CPM: variants seen among roughly 807,000 people sequenced by gnomAD.
CPM encodes carboxypeptidase M.
CPM carries 35 observed loss-of-function variants against 46.4 expected under a neutral mutation model. That is an observed-to-expected ratio of 0.75 (90% CI 0.58 to 1.00). The LOEUF (loss-of-function observed/expected upper bound fraction) is 1.00. Ranked by LOEUF, CPM falls within the 50% of genes least tolerant of loss-of-function variation. The pLI is 0.00. For synonymous variants in CPM, 195 were observed against 195.3 expected (o/e 1.00, Z 0.01); for missense variants, 422 against 530.4 (o/e 0.80, Z 2.01).
chr12:68,850,141 C>T (rs777101754), downstream of CPM: 6 of 152,078 alleles, frequency 3.9e-5, no homozygotes, highest in Non-Finnish European at 8.8e-5. Context: ...AAAAATTAGC[C>T]AGGCGTCATG....
downstream of CPM, chr12:68,846,842 C>G (rs1467971029): frequency 1.3e-5 from 2 of 151,990 alleles, no homozygotes; most frequent in Non-Finnish European, 2.9e-5. Flanking sequence ...GACAATAAAT[C>G]TATAGAGCCT....
chr12:68,856,255 T>C lies in CPM; in HGVS notation c.*182A>G, dbSNP rs1167130926. 1.8e-5 allele frequency: 12 copies of C among 668,470 alleles called. No homozygotes were observed. The African/African-American group carries it at 1.8e-4, about 10-fold the overall frequency. 41.4% of individuals were successfully genotyped at this position (668,470 alleles called of 1,614,324 possible). A position where few individuals can be genotyped will look rare whatever the true frequency, so the allele number is the denominator to read the frequency against. ...TCCATTCACCGTCAAGACTGAATCA[T>C]TCTTTTCATTATCACCACATATTGC... On this transcript the variant is annotated 3_prime_UTR_variant, in exon 9 of 9. Coordinates refer to ENST00000551568, the MANE Select transcript of CPM (RefSeq NM_198320.5).
At chr12:68,933,306 AC>A (rs1888596970), upstream of CPM, 1 of 151,102 alleles carries the variant, frequency 6.6e-6, no homozygotes, top group Non-Finnish European at 1.5e-5. Context: ...CCGCCTTCGC[AC>A]CTAGGAGAGA....
At chr12:68,950,157 G>A in intron 1 of CPM, among the ~76,000 whole-genome samples, 1 of 152,114 alleles carries the variant, frequency 6.6e-6, no homozygotes, top group Non-Finnish European at 1.5e-5. Flanking sequence ...TAAGGTGCAT[G>A]TTCTAAAAGA....
chr12:68,856,556 C>G lies in CPM; in HGVS notation c.1213G>C (p.Val405Leu). The change falls in exon 9 of 9, where the codon GTA becomes CTA. Residue 405 changes from valine to leucine, a missense_variant. Physicochemically the swap from Val to Leu is conservative, Grantham distance 32. Coordinates refer to ENST00000551568, the MANE Select transcript of CPM (RefSeq NM_198320.5). ...ATCATTGGGCATGAAGGATTTGATA[C>G]TGGGATAGAATCCAATTGCCCTTGG... ...PFQGQLDSIP[V>L]SNPSCPMIPL... 6.2e-7 allele frequency: 1 copy of G among 1,614,224 alleles called. No homozygotes were observed. Among genetic ancestry groups the G allele is most frequent in the Non-Finnish European group, 8.5e-7 (1 of 1,180,036 alleles).
rs149616992 is a variant in CPM at position 68,888,506 on chromosome 12, C to A, written c.161-2617G>T. On this transcript the variant is annotated intron_variant, in intron 2 of 8. Transcript: ENST00000551568. ...CAGGCCTCTTGAAGGGTTTTAACTG[C>A]CCTCTCCAGCTTACTGGCTATCTCT... Among the ~76,000 whole-genome samples, 360 of 152,290 alleles carry A rather than the reference C, an allele frequency of 2.4e-3. 3 individuals are homozygous for A. Among genetic ancestry groups the A allele is most frequent in the African/African-American group, 8.2e-3 (341 of 41,560 alleles).
intron 2 of CPM, among the ~76,000 whole-genome samples, chr12:68,928,902 GTTAA>G (rs1308488808): frequency 1.4e-5 from 2 of 138,816 alleles, no homozygotes; most frequent in East Asian, 4.4e-4. Context: ...ATTATGCCTG[GTTAA>G]TTAAATTTTT....
intron 2 of CPM, among the ~76,000 whole-genome samples, chr12:68,912,341 A>C (rs1320029114): frequency 2.0e-5 from 3 of 152,160 alleles, no homozygotes; most frequent in Admixed American, 6.6e-5. Context: ...TGTATTTGTG[A>C]GTATGGGCAT....
chr12:68,873,084 A>T lies in CPM; in HGVS notation c.259-1128T>A, dbSNP rs116825559. Among the ~76,000 whole-genome samples, 347 of 152,340 alleles carry T rather than the reference A, an allele frequency of 2.3e-3. 2 individuals carry two copies. Among genetic ancestry groups the T allele is most frequent in the African/African-American group, 7.9e-3 (328 of 41,570 alleles). ...TCTCCCTATCATTTTAGGTTCAAGG[A>T]ATCTGCTTCAGAAGAACAGATGTTG... is the stretch of plus-strand genomic sequence containing the variant. On this transcript the variant is annotated intron_variant, in intron 3 of 8. Transcript: ENST00000551568.
intron 7 of CPM, among the ~76,000 whole-genome samples, chr12:68,865,325 T>C (rs919564324): frequency 3.9e-5 from 6 of 152,156 alleles, no homozygotes; most frequent in Non-Finnish European, 8.8e-5. Flanking sequence ...CAGTTAGACA[T>C]AGCCCTGTGA....
rs1197650811 is a variant in CPM at position 68,855,747 on chromosome 12, T to TG, written c.*689_*690insC. ...TTTTTTTGTTTGTTTGTTTTTGTTT[T>TG]TTTTTTTTTGAGACAGAGTCTTACT... On this transcript the variant is annotated 3_prime_UTR_variant, in exon 9 of 9. Coordinates refer to ENST00000551568, the MANE Select transcript of CPM (RefSeq NM_198320.5). 2 of 151,844 alleles carry TG rather than the reference T, an allele frequency of 1.3e-5. No individual in the cohort carries two copies. Among genetic ancestry groups the TG allele is most frequent in the African/African-American group, 4.8e-5 (2 of 41,242 alleles). The allele number at this position is 151,844 out of a possible 1,614,324, so 9.4% of individuals were successfully genotyped here.
chr12:68,866,770 G>T (rs1885468599), intron 7 of CPM, 126 bp downstream of exon 7: 2 of 770,010 alleles, frequency 2.6e-6, no homozygotes, highest in Admixed American at 4.8e-5. Flanking sequence ...TTAACCATCA[G>T]ATCTGGCACT....
At chr12:68,870,440 T>C (rs541410459) in intron 4 of CPM, 41 bp from the exon 5 acceptor site, 3 of 1,553,526 alleles carry the variant, frequency 1.9e-6, no homozygotes, top group Non-Finnish European at 2.6e-6. Flanking sequence ...TGATAGGGCA[T>C]GAGGGAGTGG....
At chr12:68,938,824 G>A (rs888355574) in intron 1 of CPM, among the ~76,000 whole-genome samples, 17 of 149,756 alleles carry the variant, frequency 1.1e-4, no homozygotes, top group South Asian at 4.2e-4. Context: ...ACACACACAC[G>A]TATATCTATA....
At chr12:68,883,630 A>G (rs1886295847) in intron 3 of CPM, among the ~76,000 whole-genome samples, 1 of 152,166 alleles carries the variant, frequency 6.6e-6, no homozygotes, top group African/African-American at 2.4e-5. Context: ...AAATTTAGGA[A>G]AGTGCATGGA....
At chr12:68,890,814 G>C (rs1886624120) in intron 2 of CPM, among the ~76,000 whole-genome samples, 1 of 152,240 alleles carries the variant, frequency 6.6e-6, no homozygotes, top group Admixed American at 6.5e-5. Context: ...TCTATGTGGA[G>C]AGTCTCAATG....
At chr12:68,906,867 A>G (rs1462484434) in intron 2 of CPM, among the ~76,000 whole-genome samples, 1 of 152,256 alleles carries the variant, frequency 6.6e-6, no homozygotes, top group African/African-American at 2.4e-5. Flanking sequence ...GCATCCATGC[A>G]TACTGTTGTA....
intron 2 of CPM, among the ~76,000 whole-genome samples, chr12:68,891,877 C>T (rs989916465): frequency 2.0e-5 from 3 of 152,122 alleles, no homozygotes; most frequent in African/African-American, 7.2e-5. Context: ...GCTGGGACTA[C>T]AGATGTGTGC....
At chr12:68,910,189 C>T (rs902288243) in intron 2 of CPM, among the ~76,000 whole-genome samples, 3 of 151,782 alleles carry the variant, frequency 2.0e-5, no homozygotes, top group Non-Finnish European at 2.9e-5. Context: ...TTATAAATGA[C>T]CTAAAGACTC....
Sources: gnomAD v4.1 joint callset for allele counts (sites outside exome capture counted in the v4.1 genomes callset) on GRCh38, gnomAD v4.1.1 for gene constraint, MANE v1.5 for transcripts, NCBI Gene and HGNC (gene_info 2026-07-23, HGNC 2026-07-21) for gene names.